The following AGBL1 variants were observed in gnomAD, a reference collection of about 807,000 sequenced individuals.
AGBL1 encodes the protein AGBL carboxypeptidase 1.
AGBL1 carries 130 observed loss-of-function variants against 118.9 expected under a neutral mutation model. That is an observed-to-expected ratio of 1.09 (90% CI 0.95 to 1.26). The LOEUF is 1.26. Ranked by LOEUF, AGBL1 falls within the 50% of genes most tolerant of loss-of-function variation. The pLI, the probability that AGBL1 is intolerant of heterozygous loss-of-function variation, is 0.00. For synonymous variants in AGBL1, 555 were observed against 478.9 expected, an observed-to-expected ratio of 1.16 and a Z score of -2.08; for missense variants, 1,584 against 1,298.1, an observed-to-expected ratio of 1.22 and a Z score of -3.38.
chr15:86,522,693 A>C, intron 18 of AGBL1, 117 bp from the exon 19 acceptor site: 2 of 1,305,076 alleles, frequency 1.5e-6, no homozygotes, highest in Non-Finnish European at 2.1e-6. Context: ...CCAATTGGGA[A>C]GAAATCAGAG....
intron 24 of AGBL1, among the ~76,000 whole-genome samples, chr15:86,997,014 T>C (rs187823122): frequency 3.0e-4 from 45 of 152,170 alleles, no homozygotes; most frequent in Non-Finnish European, 5.9e-4. Flanking sequence ...AAAGCTGCAA[T>C]TGAAAACAAA....
intron 1 of AGBL1, among the ~76,000 whole-genome samples, chr15:86,085,093 G>C (rs1363315101): frequency 6.6e-6 from 1 of 152,182 alleles, no homozygotes; most frequent in Admixed American, 6.5e-5. Flanking sequence ...GAGCTAGGAG[G>C]AAGAAAGAAA....
intron 1 of AGBL1, among the ~76,000 whole-genome samples, chr15:86,132,168 C>T (rs1409191208): frequency 6.6e-6 from 1 of 152,060 alleles, no homozygotes; most frequent in Non-Finnish European, 1.5e-5. Flanking sequence ...ACAGCAGGGT[C>T]GAATCATTCC....
chr15:86,556,087 T>A, intron 21 of AGBL1: 1 of 626,680 alleles, frequency 1.6e-6, no homozygotes, highest in Non-Finnish European at 2.7e-6. Context: ...AAGCACCAAT[T>A]CAAACAAACA....
intron 21 of AGBL1, among the ~76,000 whole-genome samples, chr15:86,575,162 C>G (rs2084071068): frequency 6.6e-6 from 1 of 151,386 alleles, no homozygotes; most frequent in African/African-American, 2.4e-5. Flanking sequence ...GCACTCCTGC[C>G]TGGGTGACAG....
intron 15 of AGBL1, among the ~76,000 whole-genome samples, chr15:86,275,983 CAT>C (rs1597665491): frequency 6.6e-6 from 1 of 152,118 alleles, no homozygotes; most frequent in East Asian, 1.9e-4. Context: ...GATAAAATAA[CAT>C]GAGATAAAAC....
chr15:86,451,000 G>A (rs1459506971), intron 18 of AGBL1, among the ~76,000 whole-genome samples: 1 of 152,090 alleles, frequency 6.6e-6, no homozygotes, highest in East Asian at 1.9e-4. Flanking sequence ...TCTAGGATAT[G>A]TTTTAACGGA....
intron 24 of AGBL1, among the ~76,000 whole-genome samples, chr15:87,018,138 A>G (rs180771385): frequency 1.5e-4 from 23 of 152,300 alleles, no homozygotes; most frequent in Admixed American, 1.2e-3. Context: ...CACTGTGCCT[A>G]CAATGGATTG....
chr15:86,513,510 T>C (rs1261095249), intron 18 of AGBL1, among the ~76,000 whole-genome samples: 1 of 152,054 alleles, frequency 6.6e-6, no homozygotes, highest in East Asian at 1.9e-4. Flanking sequence ...AAAGTTACTA[T>C]TATTTGCTTT....
intron 22 of AGBL1, among the ~76,000 whole-genome samples, chr15:86,800,456 G>A (rs989123549): frequency 1.3e-5 from 2 of 152,078 alleles, no homozygotes; most frequent in African/African-American, 4.8e-5. Flanking sequence ...GAGATTCTAG[G>A]ACAGAAGGAA....
Position 86,284,855 on chromosome 15 carries a change from A to G in AGBL1, c.2220+5072A>G, listed in dbSNP as rs187327888. ...GAGGACTCCTGTGGAGAGACACAGG[A>G]TGAGGCTGCAGGCTAAGGTTATCAG... is the stretch of plus-strand genomic sequence containing the variant. On this transcript the variant is annotated intron_variant, in intron 16 of 22. Transcript: ENST00000614907. Among the ~76,000 whole-genome samples, 36 of 152,306 alleles carry G rather than the reference A, an allele frequency of 2.4e-4. No homozygotes were observed. The East Asian group carries it at 6.6e-3, about 28-fold the overall frequency.
At chr15:86,547,110 T>C (rs2083594148) in intron 20 of AGBL1, among the ~76,000 whole-genome samples, 1 of 152,184 alleles carries the variant, frequency 6.6e-6, no homozygotes, top group Non-Finnish European at 1.5e-5. Flanking sequence ...CCAAGGCTTT[T>C]ATAGCAGAAT....
intron 22 of AGBL1, among the ~76,000 whole-genome samples, chr15:86,741,249 G>A (rs950346366): frequency 1.3e-4 from 20 of 151,472 alleles, no homozygotes; most frequent in African/African-American, 4.4e-4. Context: ...GCAGGAAAAG[G>A]TTCCTCAACA....
chr15:86,209,120 G>A (rs779839394), intron 5 of AGBL1, among the ~76,000 whole-genome samples: 4 of 152,188 alleles, frequency 2.6e-5, no homozygotes, highest in Non-Finnish European at 5.9e-5. Flanking sequence ...ATGGAGTTGT[G>A]TGGTTTTGAG....
At chr15:86,747,479 C>A (rs2077774015) in intron 22 of AGBL1, among the ~76,000 whole-genome samples, 1 of 151,992 alleles carries the variant, frequency 6.6e-6, no homozygotes, top group Non-Finnish European at 1.5e-5. Flanking sequence ...GGCAATAATT[C>A]TTTTCTTTTA....
chr15:86,645,874 A>C (rs2085269826), intron 21 of AGBL1, among the ~76,000 whole-genome samples: 1 of 152,226 alleles, frequency 6.6e-6, no homozygotes, highest in Non-Finnish European at 1.5e-5. Context: ...GGGCCATGGA[A>C]CATTAGGACA....
At chr15:86,734,687 A>G (rs1185090209) in intron 22 of AGBL1, among the ~76,000 whole-genome samples, 1 of 152,184 alleles carries the variant, frequency 6.6e-6, no homozygotes, top group Non-Finnish European at 1.5e-5. Flanking sequence ...ATGAAGTGAC[A>G]TCAGGAAAAA....
chr15:86,707,293 G>A (rs552465081), intron 22 of AGBL1, among the ~76,000 whole-genome samples: 2 of 152,034 alleles, frequency 1.3e-5, no homozygotes, highest in East Asian at 1.9e-4. Flanking sequence ...ATAAATCCAG[G>A]TATATAGTCA....
intron 19 of AGBL1, among the ~76,000 whole-genome samples, chr15:86,537,721 C>T (rs185039551): frequency 1.4e-4 from 21 of 152,338 alleles, no homozygotes; most frequent in Non-Finnish European, 2.6e-4. Context: ...AGATATCACA[C>T]ATCACTTTCT....
Sources: allele counts gnomAD v4.1 joint callset (sites outside exome capture counted in the v4.1 genomes callset), GRCh38; gene constraint gnomAD v4.1.1; transcripts MANE v1.5; gene names NCBI Gene and HGNC (gene_info 2026-07-23, HGNC 2026-07-21).